ANKRD55: variants seen among roughly 807,000 people sequenced by gnomAD.
The protein encoded by ANKRD55 is ankyrin repeat domain 55.
ANKRD55 carries 41 observed loss-of-function variants against 60.6 expected under a neutral mutation model. The observed-to-expected ratio is 0.68, with a 90% CI of 0.53 to 0.88. The LOEUF (loss-of-function observed/expected upper bound fraction) is 0.88, where lower values mean the gene tolerates loss of function less well. Ranked by LOEUF, ANKRD55 falls within the 40% of genes least tolerant of loss-of-function variation. The pLI is 0.00. For missense variants in ANKRD55, 732 were observed against 767.6 expected (o/e 0.95, Z 0.55); for synonymous variants, 264 against 290.3 (o/e 0.91, Z 0.92).
At chr5:56,192,877 A>G (rs1447795617) in intron 2 of ANKRD55, 1 of 651,478 alleles carries the variant, frequency 1.5e-6, no homozygotes, top group East Asian at 3.0e-5. Flanking sequence ...TCAAAGCTAC[A>G]TGGGCCCAGC....
intron 8 of ANKRD55, among the ~76,000 whole-genome samples, chr5:56,125,341 C>T (rs766751110): frequency 5.3e-5 from 8 of 151,408 alleles, no homozygotes; most frequent in African/African-American, 9.7e-5. Flanking sequence ...AGTGCAATGG[C>T]GCGATCTTGG....
intron 8 of ANKRD55, 81 bp from the exon 9 acceptor site, chr5:56,116,863 CAA>C (rs1756902713): frequency 5.0e-6 from 7 of 1,400,528 alleles, no homozygotes; most frequent in Non-Finnish European, 6.6e-6. Context: ...AGCTCCTGCT[CAA>C]AGTCAGGTTG....
chr5:56,175,429 T>C (rs1037524751), intron 4 of ANKRD55, among the ~76,000 whole-genome samples: 1 of 152,132 alleles, frequency 6.6e-6, no homozygotes, highest in Non-Finnish European at 1.5e-5. Flanking sequence ...ATGTGGTGGT[T>C]AGGACTTGTT....
At chr5:56,127,519 C>G (rs527589777) in intron 7 of ANKRD55, 1 of 985,096 alleles carries the variant, frequency 1.0e-6, no homozygotes, top group African/African-American at 1.7e-5. Flanking sequence ...CAGAGTTCAT[C>G]TTAATGTTAA....
chr5:56,107,594 T>C (rs1580936076), intron 10 of ANKRD55, among the ~76,000 whole-genome samples: 1 of 152,142 alleles, frequency 6.6e-6, no homozygotes, highest in East Asian at 1.9e-4. Context: ...TGTTGATAGC[T>C]GTGAATATAT....
chr5:56,175,457 A>G (rs558770917), intron 4 of ANKRD55, among the ~76,000 whole-genome samples: 1 of 152,276 alleles, frequency 6.6e-6, no homozygotes, highest in South Asian at 2.1e-4. Context: ...GACTCAAGGC[A>G]CCCCTAGGAC....
intron 2 of ANKRD55, among the ~76,000 whole-genome samples, chr5:56,211,704 G>A (rs1163757451): frequency 1.3e-5 from 2 of 152,146 alleles, no homozygotes; most frequent in Admixed American, 1.3e-4. Flanking sequence ...ACTGACTCAC[G>A]GCAGCTTGTA....
At chr5:56,163,044 C>A (rs1461317793) in intron 5 of ANKRD55, among the ~76,000 whole-genome samples, 1 of 152,200 alleles carries the variant, frequency 6.6e-6, no homozygotes, top group East Asian at 1.9e-4. Flanking sequence ...TCTTCTCTGT[C>A]ATGGCTGTGA....
chr5:56,204,627 C>T (rs909913180), intron 2 of ANKRD55, among the ~76,000 whole-genome samples: 2 of 152,112 alleles, frequency 1.3e-5, no homozygotes, highest in African/African-American at 2.4e-5. Flanking sequence ...TTCCTGAGGC[C>T]TCCCCGACAC....
At chr5:56,174,616 G>A (rs1465879108) in intron 4 of ANKRD55, among the ~76,000 whole-genome samples, 2 of 152,060 alleles carry the variant, frequency 1.3e-5, no homozygotes, top group Non-Finnish European at 2.9e-5. Context: ...GGCAGATCAT[G>A]AGGTCAAGAG....
intron 2 of ANKRD55, chr5:56,192,951 A>G: frequency 1.5e-6 from 1 of 684,084 alleles, no homozygotes; most frequent in South Asian, 1.8e-5. Flanking sequence ...GTGGGATTGA[A>G]AACCAAAGCA....
chr5:56,110,878 G>C lies in ANKRD55; in HGVS notation c.1630+240C>G, dbSNP rs539885333. 1.5e-5 allele frequency: 8 copies of C among 547,136 alleles called. No homozygotes were observed. The East Asian group carries it at 1.8e-4, about 13-fold the overall frequency. The allele number at this position is 547,136 out of a possible 1,614,324, so 33.9% of individuals were successfully genotyped here. On this transcript the variant is annotated intron_variant, in intron 10 of 11. Transcript: ENST00000341048. Reference sequence around the variant, plus strand: ...TGGTACATACCACACATATTTGCTGGGGAGATGAGAAGGCACATATTTGTA... The same window carrying C: ...TGGTACATACCACACATATTTGCTGCGGAGATGAGAAGGCACATATTTGTA...
chr5:56,207,472 G>A (rs1284619288), intron 2 of ANKRD55, among the ~76,000 whole-genome samples: 1 of 152,182 alleles, frequency 6.6e-6, no homozygotes, highest in Non-Finnish European at 1.5e-5. Flanking sequence ...CCTGTCAGTA[G>A]GTGATTTTGT....
At chr5:56,120,324 G>C (rs1757006062) in intron 8 of ANKRD55, among the ~76,000 whole-genome samples, 1 of 152,088 alleles carries the variant, frequency 6.6e-6, no homozygotes, top group Admixed American at 6.5e-5. Context: ...ACCGCACCAA[G>C]CCCTCTTAAC....
chr5:56,210,395 T>C (rs901730822), intron 2 of ANKRD55, among the ~76,000 whole-genome samples: 1 of 151,724 alleles, frequency 6.6e-6, no homozygotes, highest in Non-Finnish European at 1.5e-5. Context: ...ACCCCGTCTC[T>C]ACTAAAAATA....
chr5:56,124,016 T>C (rs370060442), intron 8 of ANKRD55, among the ~76,000 whole-genome samples: 1 of 152,074 alleles, frequency 6.6e-6, no homozygotes, highest in Non-Finnish European at 1.5e-5. Context: ...CAGGAGATAA[T>C]GGGTCCAAGG....
intron 2 of ANKRD55, among the ~76,000 whole-genome samples, chr5:56,197,768 C>T (rs182470327): frequency 1.8e-4 from 28 of 152,166 alleles, no homozygotes; most frequent in African/African-American, 4.3e-4. Flanking sequence ...TAATGAGATA[C>T]GAAAATAAAC....
chr5:56,232,983 C>T, intron 1 of ANKRD55, 37 bp from the exon 2 acceptor site: 2 of 1,449,024 alleles, frequency 1.4e-6, no homozygotes, highest in Non-Finnish European at 9.7e-7. Flanking sequence ...ACCTTACTGT[C>T]AACATGACAG....
chr5:56,138,888 A>G (rs1580973351), intron 7 of ANKRD55, among the ~76,000 whole-genome samples: 1 of 152,214 alleles, frequency 6.6e-6, no homozygotes, highest in Admixed American at 6.5e-5. Context: ...GGTATTCCGC[A>G]TGATACTTTA....
Sources: gnomAD v4.1 joint callset for allele counts (sites outside exome capture counted in the v4.1 genomes callset) on GRCh38, gnomAD v4.1.1 for gene constraint, MANE v1.5 for transcripts, NCBI Gene and HGNC (gene_info 2026-07-23, HGNC 2026-07-21) for gene names.